Variants in DTNBP1 observed in about 807,000 individuals in gnomAD.
DTNBP1 encodes the protein dystrobrevin binding protein 1, also known as dysbindin.
DTNBP1 carries 35 observed loss-of-function variants against 42.8 expected under a neutral mutation model. The ratio of observed to expected loss-of-function variants is 0.82; its 90% CI spans 0.63 to 1.09. The LOEUF (loss-of-function observed/expected upper bound fraction) is 1.09, where lower values mean the gene tolerates loss of function less well. Ranked by LOEUF, DTNBP1 falls within the 50% of genes least tolerant of loss-of-function variation. The pLI, the probability that DTNBP1 is intolerant of heterozygous loss-of-function variation, is 0.00. For missense variants in DTNBP1, 457 were observed against 424.2 expected (o/e 1.08, Z -0.68); for synonymous variants, 171 against 162.2 (o/e 1.05, Z -0.41).
intron 4 of DTNBP1, 24 bp from the exon 5 acceptor site, chr6:15,627,499 A>G (rs1759419180): frequency 1.2e-6 from 2 of 1,613,468 alleles, no homozygotes; most frequent in Non-Finnish European, 1.7e-6. Flanking sequence ...GAAGGGGGGT[A>G]AAGTGAAACC....
chr6:15,542,513 A>G (rs1354420312), intron 7 of DTNBP1, among the ~76,000 whole-genome samples: 1 of 151,946 alleles, frequency 6.6e-6, no homozygotes, highest in Non-Finnish European at 1.5e-5. Context: ...CTGGGATTAC[A>G]GGCACACGCC....
At position 15,593,088 on chromosome 6, in the gene DTNBP1, G is replaced by GAAAA; in HGVS notation, c.489-11_489-8dup. 15 of 1,346,524 alleles carry GAAAA rather than the reference G, an allele frequency of 1.1e-5. No individual in the cohort carries two copies. The highest frequency in any genetic ancestry group is 5.5e-5 in the South Asian group (4 of 73,212). The allele number at this position is 1,346,524 out of a possible 1,614,324, so 83.4% of individuals were successfully genotyped here. On this transcript the variant is annotated splice_region_variant and splice_polypyrimidine_tract_variant and intron_variant, in intron 6 of 9. Transcript: ENST00000344537. ...GAAGGTTTCAAGTTCCTTCCTGTAG[G>GAAAA]AAAAAAAAAAAAAAGACAAGACAAT...
chr6:15,541,998 C>T (rs1773591776), intron 7 of DTNBP1, among the ~76,000 whole-genome samples: 1 of 152,116 alleles, frequency 6.6e-6, no homozygotes, highest in South Asian at 2.1e-4. Context: ...GAAACAGTAA[C>T]ACTTACTACA....
chr6:15,581,485 T>G (rs947217847), intron 7 of DTNBP1, among the ~76,000 whole-genome samples: 7 of 134,810 alleles, frequency 5.2e-5, no homozygotes, highest in African/African-American at 1.7e-4. Flanking sequence ...ACTGTTTTTT[T>G]TTTTTTTTTT....
chr6:15,590,393 A>C (rs1231126034), intron 7 of DTNBP1, among the ~76,000 whole-genome samples: 3 of 150,982 alleles, frequency 2.0e-5, no homozygotes, highest in African/African-American at 7.3e-5. Flanking sequence ...CCTCCTTTAA[A>C]CTCTCCTCTG....
At chr6:15,564,659 C>T (rs191739078) in intron 7 of DTNBP1, among the ~76,000 whole-genome samples, 22 of 152,296 alleles carry the variant, frequency 1.4e-4, no homozygotes, top group Admixed American at 3.9e-4. Flanking sequence ...CTTTCCGCCT[C>T]AGACTCCCAA....
At chr6:15,571,016 G>T (rs966150131) in intron 7 of DTNBP1, among the ~76,000 whole-genome samples, 4 of 152,042 alleles carry the variant, frequency 2.6e-5, no homozygotes, top group African/African-American at 9.7e-5. Flanking sequence ...TTATTTTTAA[G>T]AATAATAATG....
At chr6:15,585,606 T>C in intron 7 of DTNBP1, 2 of 1,231,378 alleles carry the variant, frequency 1.6e-6, no homozygotes, top group Non-Finnish European at 2.1e-6. Flanking sequence ...ATTTCTGCTT[T>C]TTAATAATAT....
At chr6:15,541,852 C>A (rs1175191864) in intron 7 of DTNBP1, among the ~76,000 whole-genome samples, 1 of 152,056 alleles carries the variant, frequency 6.6e-6, no homozygotes, top group African/African-American at 2.4e-5. Flanking sequence ...ACATACTCTA[C>A]AACTAAGCCT....
At position 15,662,962 on chromosome 6, in the gene DTNBP1, C is replaced by T. The variant is rs1474029262; in HGVS notation, c.-93G>A. On this transcript the variant is annotated 5_prime_UTR_variant, in exon 1 of 10. Coordinates refer to ENST00000344537, the MANE Select transcript of DTNBP1 (RefSeq NM_032122.5). Reference sequence around the variant, plus strand: ...CACGCCGCCAACCCCGCGCTGTCACCGCGCGCCCCGCACTCCCACTACCGG... The same window carrying T: ...CACGCCGCCAACCCCGCGCTGTCACTGCGCGCCCCGCACTCCCACTACCGG... 1.3e-6 allele frequency: 2 copies of T among 1,550,312 alleles called. No homozygotes were observed. The highest frequency in any genetic ancestry group is 1.4e-5 in the African/African-American group (1 of 73,482).
chr6:15,602,163 T>C (rs142448223), intron 6 of DTNBP1, among the ~76,000 whole-genome samples: 1 of 152,330 alleles, frequency 6.6e-6, no homozygotes, highest in Non-Finnish European at 1.5e-5. Context: ...GCCATTTTTT[T>C]TTCTGAGCCA....
intron 7 of DTNBP1, among the ~76,000 whole-genome samples, chr6:15,579,021 C>T (rs1029767140): frequency 2.0e-5 from 3 of 152,100 alleles, no homozygotes; most frequent in African/African-American, 7.2e-5. Context: ...ATAGAATTAC[C>T]ACGATTCAGC....
chr6:15,605,968 A>G (rs1372741094), intron 6 of DTNBP1, among the ~76,000 whole-genome samples: 1 of 152,252 alleles, frequency 6.6e-6, no homozygotes, highest in Non-Finnish European at 1.5e-5. Context: ...ATGCAGAAAA[A>G]TATTTAGAAA....
At chr6:15,580,744 C>T (rs1217666158) in intron 7 of DTNBP1, among the ~76,000 whole-genome samples, 1 of 152,044 alleles carries the variant, frequency 6.6e-6, no homozygotes, top group Middle Eastern at 3.2e-3. Flanking sequence ...ATTGCTTTTA[C>T]AGTTATTTTA....
At chr6:15,541,906 G>T (rs1378087855) in intron 7 of DTNBP1, among the ~76,000 whole-genome samples, 1 of 151,980 alleles carries the variant, frequency 6.6e-6, no homozygotes, top group South Asian at 2.1e-4. Context: ...GTTAATGACC[G>T]AAAAAGGCCC....
At chr6:15,569,833 T>C (rs1026325645) in intron 7 of DTNBP1, among the ~76,000 whole-genome samples, 5 of 152,218 alleles carry the variant, frequency 3.3e-5, no homozygotes, top group Non-Finnish European at 5.9e-5. Flanking sequence ...TCAGACTTAA[T>C]AGTCACCACG....
At position 15,522,901 on chromosome 6, in the gene DTNBP1, T is replaced by C. The variant is rs1483385294; in HGVS notation, c.*74A>G. On this transcript the variant is annotated 3_prime_UTR_variant, in exon 10 of 10. Transcript: ENST00000344537. ...AATCAAGAACCTCTATAAAACAACC[T>C]GGCTTTCCAGGTGGAATTCCGCATA... 1 of 1,613,296 alleles carries C rather than the reference T, an allele frequency of 6.2e-7. No individual in the cohort carries two copies.
At chr6:15,644,719 A>T (rs1314989867) in intron 3 of DTNBP1, among the ~76,000 whole-genome samples, 1 of 152,072 alleles carries the variant, frequency 6.6e-6, no homozygotes, top group Non-Finnish European at 1.5e-5. Context: ...GATAAAAAAA[A>T]ATTAATTGAA....
At chr6:15,579,715 G>T in intron 7 of DTNBP1, 1 of 321,558 alleles carries the variant, frequency 3.1e-6, no homozygotes, top group South Asian at 2.5e-5. Context: ...TAAGGCAGGA[G>T]AATCACTTGA....
Sources: allele counts gnomAD v4.1 joint callset (sites outside exome capture counted in the v4.1 genomes callset), GRCh38; gene constraint gnomAD v4.1.1; transcripts MANE v1.5; gene names NCBI Gene and HGNC (gene_info 2026-07-23, HGNC 2026-07-21).